Variants in DCAF6 observed in about 807,000 individuals in gnomAD.
The protein encoded by DCAF6 is DDB1 and CUL4 associated factor 6, also known as DDB1- and CUL4-associated factor 6.
Under a neutral mutation model 125.1 loss-of-function variants are expected in DCAF6, and 54 were observed. That is an observed-to-expected ratio of 0.43 (90% CI 0.35 to 0.54). DCAF6 has a LOEUF of 0.54. Among genes scored for constraint, DCAF6 ranks in the 20% least tolerant of loss-of-function variants. The pLI, the probability that DCAF6 is intolerant of heterozygous loss-of-function variation, is 0.01. For missense variants in DCAF6, 934 were observed against 1,161.7 expected (o/e 0.80, Z 2.85); for synonymous variants, 371 against 390.4 (o/e 0.95, Z 0.58).
chr1:167,907,534 T>C, the DCAF6 span, among the ~76,000 whole-genome samples: 1 of 152,228 alleles, frequency 6.6e-6, no homozygotes, highest in African/African-American at 2.4e-5. Flanking sequence ...TCACTTTTAC[T>C]CATGGCATTG....
At chr1:167,974,753 T>G in intron 3 of DCAF6, 77 bp from the exon 4 acceptor site, 1 of 1,118,132 alleles carries the variant, frequency 8.9e-7, no homozygotes, top group Non-Finnish European at 1.2e-6. Flanking sequence ...AATGTATTAC[T>G]GGCTATGATT....
At chr1:168,007,033 A>ATT (rs1019960415) in intron 10 of DCAF6, among the ~76,000 whole-genome samples, 1 of 152,148 alleles carries the variant, frequency 6.6e-6, no homozygotes, top group African/African-American at 2.4e-5. Context: ...CAAAATGACT[A>ATT]TTTTACACTT....
At chr1:168,063,140 T>C (rs1451908007) in intron 17 of DCAF6, among the ~76,000 whole-genome samples, 1 of 152,076 alleles carries the variant, frequency 6.6e-6, no homozygotes, top group Non-Finnish European at 1.5e-5. Flanking sequence ...TAGTCTGTTT[T>C]TGGAACATCT....
At chr1:167,953,613 TTC>T (rs756910789) in intron 2 of DCAF6, among the ~76,000 whole-genome samples, 121 of 152,320 alleles carry the variant, frequency 7.9e-4, no homozygotes, top group Non-Finnish European at 1.6e-3. Context: ...ATTATTATTA[TTC>T]TTTGATATGG....
At chr1:167,883,356 T>G in the DCAF6 span, 1 of 1,496,842 alleles carries the variant, frequency 6.7e-7, no homozygotes, top group Non-Finnish European at 9.3e-7. Context: ...AAATTTCCTG[T>G]GTCTATTCTC....
chr1:168,068,192 A>G (rs1412960579), intron 20 of DCAF6, among the ~76,000 whole-genome samples, 166 bp from the exon 21 acceptor site: 1 of 152,182 alleles, frequency 6.6e-6, no homozygotes, highest in African/African-American at 2.4e-5. Context: ...AGTTACAGTG[A>G]TTATTTGGCA....
At chr1:167,982,311 G>T (rs1175309361) in intron 4 of DCAF6, among the ~76,000 whole-genome samples, 1 of 151,908 alleles carries the variant, frequency 6.6e-6, no homozygotes, top group East Asian at 1.9e-4. Context: ...GTGCGATCTC[G>T]GCTCACAGCA....
chr1:167,952,261 C>T (rs1004383955), intron 2 of DCAF6, among the ~76,000 whole-genome samples: 4 of 151,972 alleles, frequency 2.6e-5, no homozygotes, highest in South Asian at 2.1e-4. Context: ...AGTGCAGTGG[C>T]GCAATCTCGG....
At chr1:167,963,737 G>A (rs1675979052) in intron 2 of DCAF6, among the ~76,000 whole-genome samples, 1 of 151,488 alleles carries the variant, frequency 6.6e-6, no homozygotes, top group African/African-American at 2.4e-5. Context: ...ACCTTTTGTG[G>A]TTTTAATTGA....
chr1:167,922,340 A>C, the DCAF6 span, among the ~76,000 whole-genome samples: 1 of 152,138 alleles, frequency 6.6e-6, no homozygotes, highest in Non-Finnish European at 1.5e-5. Flanking sequence ...AGTTCAAATA[A>C]ACCCCAAAGC....
chr1:167,901,597 A>G, the DCAF6 span: 1 of 1,501,288 alleles, frequency 6.7e-7, no homozygotes, highest in African/African-American at 1.4e-5. Flanking sequence ...TGGGAGAGAG[A>G]GATGCCCCAG....
intron 12 of DCAF6, among the ~76,000 whole-genome samples, chr1:168,029,046 C>G (rs759827834): frequency 3.3e-5 from 5 of 152,068 alleles, no homozygotes; most frequent in Non-Finnish European, 7.4e-5. Context: ...CTTCCTATCC[C>G]CAACTACTAG....
At chr1:167,995,768 C>G (rs1203721677) in intron 7 of DCAF6, among the ~76,000 whole-genome samples, 1 of 151,564 alleles carries the variant, frequency 6.6e-6, no homozygotes, top group East Asian at 1.9e-4. Context: ...ATTTGTAATT[C>G]TGACACATTT....
the DCAF6 span, chr1:167,870,303 G>T: frequency 6.2e-6 from 10 of 1,613,982 alleles, no homozygotes; most frequent in Non-Finnish European, 8.5e-6. Context: ...ATAAGTATCT[G>T]GCTTTTTCCA....
rs760486058 is a variant in DCAF6, at chr1:168,043,061, C to T, written c.1764C>T (p.Ser588=). 1 of 1,612,532 alleles carries T rather than the reference C, an allele frequency of 6.2e-7. No individual in the cohort carries two copies. Reference sequence around the variant, plus strand: ...CATCAAGTTCTAGAGGAATTGGGAGCCATTGCAAATCTGAGGGTCAGGAGG... The same window carrying T: ...CATCAAGTTCTAGAGGAATTGGGAGTCATTGCAAATCTGAGGGTCAGGAGG... The part of the protein sequence containing the change: ...SIASSSRGIG[S]HCKSEGQEES... Residue 588 remains serine, a synonymous_variant, in exon 14 of 22, where the codon AGC becomes AGT. Transcript: ENST00000367840.
At chr1:168,046,905 GA>G (rs1308678294) in intron 16 of DCAF6, among the ~76,000 whole-genome samples, 12 of 152,000 alleles carry the variant, frequency 7.9e-5, no homozygotes, top group African/African-American at 2.9e-4. Flanking sequence ...GGTCATAATT[GA>G]AAATTAAATT....
In DCAF6 at chr1:168,023,002, G is replaced by T. The variant is rs765351867; in HGVS notation, c.1564G>T (p.Val522Leu). 3 of 1,614,094 alleles carry T rather than the reference G, an allele frequency of 1.9e-6. No individual in the cohort carries two copies. The highest frequency in any genetic ancestry group is 1.3e-5 in the African/African-American group (1 of 75,032). ...TTTTGTTTCAGATTCTCCTTCTTCT[G>T]TGGTTAACAAACAGCTCGGATCCAT... ...DPHASDSPSS[V>L]VNKQLGSMSL... Residue 522 changes from valine to leucine, a missense_variant, in exon 12 of 22, where the codon GTG (valine) becomes TTG (leucine). Physicochemically the swap from Val to Leu is conservative, Grantham distance 32 (BLOSUM62 1). Around this residue, in one of 5 missense-constraint regions of DCAF6, gnomAD observed 559 missense variants for 635.5 expected, o/e 0.88. Transcript: ENST00000367840.
chr1:167,932,410 TTGTG>T (rs1670936021), upstream of DCAF6, among the ~76,000 whole-genome samples: 1 of 152,258 alleles, frequency 6.6e-6, no homozygotes, highest in African/African-American at 2.4e-5. Context: ...CAGTGTTTCA[TTGTG>T]TGCACCCCTT....
intron 1 of DCAF6, among the ~76,000 whole-genome samples, chr1:167,942,916 C>T (rs889889263): frequency 6.6e-6 from 1 of 151,704 alleles, no homozygotes; most frequent in Non-Finnish European, 1.5e-5. Context: ...TAAACTTGGT[C>T]TTTTTTTTGA....
Sources: allele counts gnomAD v4.1 joint callset (sites outside exome capture counted in the v4.1 genomes callset), GRCh38; gene constraint gnomAD v4.1.1; regional missense constraint gnomAD v4.1.1; transcripts MANE v1.5; gene names NCBI Gene and HGNC (gene_info 2026-07-23, HGNC 2026-07-21).